The following THSD7B variants were observed in gnomAD, a reference collection of about 807,000 sequenced individuals.
The protein encoded by THSD7B is thrombospondin type-1 domain-containing protein 7B.
Under a neutral mutation model 213.6 loss-of-function variants are expected in THSD7B, and 138 were observed. That is an observed-to-expected ratio of 0.65 (90% CI 0.56 to 0.74). The LOEUF (loss-of-function observed/expected upper bound fraction) is 0.74, where lower values mean the gene tolerates loss of function less well. Among genes scored for constraint, THSD7B ranks in the 30% least tolerant of loss-of-function variants. The pLI, the probability that THSD7B is intolerant of heterozygous loss-of-function variation, is 0.00. For synonymous variants in THSD7B, 742 were observed against 687.0 expected (o/e 1.08, Z -1.25); for missense variants, 1,931 against 1,991.5 (o/e 0.97, Z 0.58).
At chr2:137,664,124 A>G (rs1415291769) in intron 26 of THSD7B, among the ~76,000 whole-genome samples, 1 of 152,214 alleles carries the variant, frequency 6.6e-6, no homozygotes, top group Non-Finnish European at 1.5e-5. Context: ...AAGTGCTGGG[A>G]TTACAGGCAT....
At chr2:136,920,635 C>A (rs1261994190) in intron 2 of THSD7B, among the ~76,000 whole-genome samples, 1 of 152,204 alleles carries the variant, frequency 6.6e-6, no homozygotes, top group Non-Finnish European at 1.5e-5. Flanking sequence ...AACCTCAAGC[C>A]TTTCCTGGCT....
At chr2:137,044,048 G>A (rs1040217424) in intron 2 of THSD7B, among the ~76,000 whole-genome samples, 3 of 152,150 alleles carry the variant, frequency 2.0e-5, no homozygotes, top group East Asian at 1.9e-4. Context: ...GGTTTTAGTC[G>A]GGAACCTGTA....
intron 10 of THSD7B, among the ~76,000 whole-genome samples, chr2:137,256,557 A>C (rs1682315109): frequency 6.6e-6 from 1 of 152,220 alleles, no homozygotes; most frequent in Non-Finnish European, 1.5e-5. Flanking sequence ...TACACAACCC[A>C]TATGGGGGAA....
chr2:137,067,154 G>C (rs1417648159), intron 3 of THSD7B, among the ~76,000 whole-genome samples: 2 of 152,076 alleles, frequency 1.3e-5, no homozygotes, highest in Non-Finnish European at 2.9e-5. Flanking sequence ...TTTCCAGTCT[G>C]ATAATGCTAA....
chr2:137,323,994 C>T (rs949707488), intron 12 of THSD7B, among the ~76,000 whole-genome samples: 2 of 152,048 alleles, frequency 1.3e-5, no homozygotes. Flanking sequence ...CATCACTCTC[C>T]GAGGCTCATA....
intron 14 of THSD7B, among the ~76,000 whole-genome samples, chr2:137,432,225 T>C (rs1378394072): frequency 6.6e-6 from 1 of 152,086 alleles, no homozygotes. Context: ...ACCCCGTTTC[T>C]ACTAAAATCC....
chr2:137,569,813 A>T (rs1045891467), intron 16 of THSD7B, among the ~76,000 whole-genome samples: 11 of 131,488 alleles, frequency 8.4e-5, no homozygotes, highest in African/African-American at 2.7e-4. Flanking sequence ...ATTATTATTA[A>T]TTATTATTAT....
At chr2:137,014,271 C>T (rs965053937) in intron 2 of THSD7B, among the ~76,000 whole-genome samples, 3 of 152,152 alleles carry the variant, frequency 2.0e-5, no homozygotes, top group Admixed American at 1.3e-4. Flanking sequence ...AGCATTCACA[C>T]GTCTCTGCAA....
chr2:137,198,231 A>G (rs927362377), intron 7 of THSD7B, among the ~76,000 whole-genome samples: 1 of 152,006 alleles, frequency 6.6e-6, no homozygotes. Context: ...GTACTCATTT[A>G]TTTTCTTCCT....
intron 3 of THSD7B, among the ~76,000 whole-genome samples, chr2:137,094,136 T>A (rs1687998221): frequency 6.6e-6 from 1 of 152,260 alleles, no homozygotes; most frequent in Non-Finnish European, 1.5e-5. Context: ...CCTAAATTTC[T>A]TTATCTATCT....
intron 1 of THSD7B, among the ~76,000 whole-genome samples, chr2:136,862,287 C>T (rs140705644): frequency 8.9e-4 from 135 of 152,266 alleles, no homozygotes; most frequent in Non-Finnish European, 1.2e-3. Context: ...AGTAATTTCT[C>T]CTCCAGGCCC....
intron 15 of THSD7B, among the ~76,000 whole-genome samples, chr2:137,511,785 C>T (rs1223391066): frequency 6.6e-6 from 1 of 152,162 alleles, no homozygotes; most frequent in Non-Finnish European, 1.5e-5. Context: ...CTGTGCCTCA[C>T]CTGCAGGGGA....
At chr2:137,200,228 C>G (rs1447576123) in intron 7 of THSD7B, among the ~76,000 whole-genome samples, 1 of 151,936 alleles carries the variant, frequency 6.6e-6, no homozygotes, top group Non-Finnish European at 1.5e-5. Context: ...TCCTGTATGC[C>G]TTCCTCATTC....
Position 137,655,652 on chromosome 2 carries a change from C to G in THSD7B, c.4097C>G (p.Pro1366Arg). Residue 1366 changes from proline (P) to arginine (R), a missense_variant, in exon 22 of 28, where the codon CCT (proline) becomes CGT (arginine). Coordinates refer to ENST00000409968, the MANE Select transcript of THSD7B (RefSeq NM_001316349.2). ...ATCCTGAAGCAGCTGTGTTCTGTGC[C>G]TTGCCCAGGTATGCAATGCTAGTGA... ...DSILKQLCSV[P>R]CPGDCHLTEW... is the part of the protein sequence containing the mutation. 6.2e-7 allele frequency: 1 copy of G among 1,612,702 alleles called. No homozygotes were observed. The highest frequency in any genetic ancestry group is 8.5e-7 in the Non-Finnish European group (1 of 1,179,336).
At chr2:137,657,244 T>A in intron 24 of THSD7B, 84 bp downstream of exon 24, 1 of 1,318,632 alleles carries the variant, frequency 7.6e-7, no homozygotes, top group Non-Finnish European at 1.0e-6. Context: ...TTACAAATTA[T>A]AAACAAGGGG....
intron 2 of THSD7B, among the ~76,000 whole-genome samples, chr2:136,990,492 A>G (rs952898987): frequency 2.6e-5 from 4 of 152,172 alleles, no homozygotes; most frequent in Admixed American, 2.6e-4. Context: ...GGGGGGGACC[A>G]TGCCAGGCAG....
intron 1 of THSD7B, among the ~76,000 whole-genome samples, chr2:136,833,970 A>G (rs1470589202): frequency 6.6e-6 from 1 of 152,122 alleles, no homozygotes; most frequent in Non-Finnish European, 1.5e-5. Flanking sequence ...TAATTCCTGG[A>G]ATTTTAGAGT....
chr2:137,030,683 G>C (rs374640086), intron 2 of THSD7B, among the ~76,000 whole-genome samples: 2 of 152,130 alleles, frequency 1.3e-5, no homozygotes, highest in Admixed American at 6.5e-5. Flanking sequence ...AACCAAGTGA[G>C]AGCCGCATGT....
chr2:137,262,486 A>C (rs368166782), intron 10 of THSD7B, among the ~76,000 whole-genome samples: 9 of 152,154 alleles, frequency 5.9e-5, no homozygotes, highest in Non-Finnish European at 1.2e-4. Flanking sequence ...CTGTCATTTC[A>C]TAACACATAA....
Sources: gnomAD v4.1 joint callset for allele counts (sites outside exome capture counted in the v4.1 genomes callset) on GRCh38, gnomAD v4.1.1 for gene constraint, MANE v1.5 for transcripts, NCBI Gene and HGNC (gene_info 2026-07-23, HGNC 2026-07-21) for gene names.